KIF21A: variants seen among roughly 807,000 people sequenced by gnomAD.
KIF21A encodes kinesin-like protein KIF21A.
A neutral mutation model predicts 202.9 loss-of-function variants in KIF21A; 114 were observed. The observed-to-expected ratio is 0.56, with a 90% CI of 0.48 to 0.66. The LOEUF is 0.66. KIF21A is among the 30% of genes least tolerant of loss of function. KIF21A has a pLI of 0.00. For synonymous variants in KIF21A, 667 were observed against 670.8 expected (o/e 0.99, Z 0.09); for missense variants, 1,677 against 1,994.9 (o/e 0.84, Z 3.04).
intron 1 of KIF21A, among the ~76,000 whole-genome samples, chr12:39,406,762 T>C (rs1289459735): frequency 2.6e-5 from 4 of 152,166 alleles, no homozygotes; most frequent in Non-Finnish European, 5.9e-5. Flanking sequence ...ACTGCCACAA[T>C]CTCCACTTTA....
chr12:39,346,805 G>A (rs1947932789), intron 11 of KIF21A, among the ~76,000 whole-genome samples: 1 of 151,854 alleles, frequency 6.6e-6, no homozygotes, highest in African/African-American at 2.4e-5. Context: ...GATTAGGCAT[G>A]CTTGGATGCC....
chr12:39,300,184 C>T (rs1942834790), intron 37 of KIF21A, among the ~76,000 whole-genome samples: 1 of 152,134 alleles, frequency 6.6e-6, no homozygotes, highest in South Asian at 2.1e-4. Flanking sequence ...AATTACATTA[C>T]ATGTCAATCC....
At chr12:39,428,866 G>A (rs1285398250) in intron 1 of KIF21A, among the ~76,000 whole-genome samples, 3 of 151,660 alleles carry the variant, frequency 2.0e-5, no homozygotes, top group African/African-American at 7.3e-5. Context: ...GCTGAGGCAG[G>A]AGAATCACTT....
At chr12:39,368,767 A>G (rs532549035) in intron 3 of KIF21A, among the ~76,000 whole-genome samples, 4 of 152,042 alleles carry the variant, frequency 2.6e-5, no homozygotes, top group South Asian at 4.1e-4. Context: ...TAATTTTTCT[A>G]TGTTGTGCTA....
chr12:39,333,942 C>G (rs938170292), intron 17 of KIF21A, among the ~76,000 whole-genome samples: 3 of 151,688 alleles, frequency 2.0e-5, no homozygotes, highest in Admixed American at 1.3e-4. Flanking sequence ...TTGCTCATGC[C>G]TGTAATCCCA....
intron 1 of KIF21A, among the ~76,000 whole-genome samples, chr12:39,403,198 C>G (rs943399237): frequency 4.6e-5 from 7 of 152,104 alleles, no homozygotes; most frequent in Non-Finnish European, 8.8e-5. Context: ...CCTTGAACAC[C>G]TGGGGGCTCT....
rs920993153 is a variant in KIF21A at position 39,405,972 on chromosome 12, A to G, written c.45-35711T>C. Among the ~76,000 whole-genome samples, 4 of 152,196 alleles carry G rather than the reference A, an allele frequency of 2.6e-5. No individual in the cohort carries two copies. In the East Asian group the frequency reaches 7.7e-4, roughly 29 times the overall value. On this transcript the variant is annotated intron_variant, in intron 1 of 37. Transcript: ENST00000361418. ...TTGTGTAGAAGAAAATTTCCCCTTT[A>G]GCTTATATGTAAAGCGTGTCTTTGC...
intron 27 of KIF21A, among the ~76,000 whole-genome samples, chr12:39,320,932 C>CAA (rs59613512): frequency 0.019 from 307 of 16,084 alleles, 53 homozygotes; most frequent in African/African-American, 0.051. Context: ...AAGACTCTGC[C>CAA]AAAAAAAAAA....
At chr12:39,348,298 A>G (rs1055082130) in intron 11 of KIF21A, among the ~76,000 whole-genome samples, 4 of 152,052 alleles carry the variant, frequency 2.6e-5, no homozygotes, top group African/African-American at 9.7e-5. Flanking sequence ...ATTCTTGCCA[A>G]CCATTCTAAC....
chr12:39,315,382 GA>G (rs575051890), intron 30 of KIF21A, 142 bp from the exon 31 acceptor site: 42 of 710,180 alleles, frequency 5.9e-5, no homozygotes, highest in African/African-American at 2.5e-4. Flanking sequence ...TCCATAAAAT[GA>G]AAAAAAATAA....
chr12:39,323,993 C>T (rs771251056), intron 26 of KIF21A, among the ~76,000 whole-genome samples: 1 of 151,888 alleles, frequency 6.6e-6, no homozygotes, highest in Admixed American at 6.6e-5. Flanking sequence ...GCCTGTTGTC[C>T]CAGCTACTCA....
intron 6 of KIF21A, among the ~76,000 whole-genome samples, chr12:39,363,432 A>T (rs1361318542): frequency 3.3e-5 from 5 of 152,056 alleles, no homozygotes; most frequent in Non-Finnish European, 7.4e-5. Flanking sequence ...GTACTATAGT[A>T]CTAATAGTAC....
intron 17 of KIF21A, 57 bp from the exon 18 acceptor site, chr12:39,333,337 A>T (rs1946669712): frequency 8.1e-7 from 1 of 1,228,880 alleles, no homozygotes; most frequent in African/African-American, 1.5e-5. Context: ...AATATTTCCT[A>T]TTCCTATATG....
Position 39,358,363 on chromosome 12 carries a change from T to A in KIF21A, c.1030A>T (p.Met344Leu), listed in dbSNP as rs1948954674. The change falls in exon 8 of 38, where the codon ATG becomes TTG. Residue 344 changes from methionine (M) to leucine (L), a missense_variant. By Grantham distance (15) the Met-to-Leu change is conservative. Coordinates refer to ENST00000361418, the MANE Select transcript of KIF21A (RefSeq NM_001173464.2). ...DSLGGNSQTI[M>L]IACVSPSDRD... is the part of the protein sequence containing the mutation. ...TCTGAAGGGCTGACACATGCTATCA[T>A]GATTGTTTGGCTGAAAGTTACAAAT... is the stretch of plus-strand genomic sequence containing the variant. 2 of 1,614,070 alleles carry A rather than the reference T, an allele frequency of 1.2e-6. No homozygotes were observed. Among genetic ancestry groups the A allele is most frequent in the Non-Finnish European group, 1.7e-6 (2 of 1,179,910 alleles).
chr12:39,302,959 C>T lies in KIF21A; in HGVS notation c.4731+6G>A, dbSNP rs186749116. 6.2e-7 allele frequency: 1 copy of T among 1,612,832 alleles called. No individual in the cohort carries two copies. The highest frequency in any genetic ancestry group is 1.3e-5 in the African/African-American group (1 of 75,026). ...CACTCTATACCATGAAAAGGTTCTG[C>T]ATTACCTGAAGAAGGTCTTTTTGAG... On this transcript the variant is annotated splice_donor_region_variant and intron_variant, in intron 36 of 37. Coordinates refer to ENST00000361418, the MANE Select transcript of KIF21A (RefSeq NM_001173464.2).
intron 23 of KIF21A, 59 bp from the exon 24 acceptor site, chr12:39,330,321 A>G (rs964794002): frequency 3.4e-5 from 51 of 1,497,982 alleles, no homozygotes; most frequent in Non-Finnish European, 4.6e-5. Context: ...AACAGATCCA[A>G]TGTTAAAAAC....
chr12:39,438,059 G>A (rs1441522254), intron 1 of KIF21A, among the ~76,000 whole-genome samples: 1 of 152,120 alleles, frequency 6.6e-6, no homozygotes, highest in Admixed American at 6.5e-5. Flanking sequence ...AGAAACCTGA[G>A]TTTGAGTTCC....
intron 27 of KIF21A, among the ~76,000 whole-genome samples, 157 bp from the exon 28 acceptor site, chr12:39,320,170 C>T (rs1178517131): frequency 1.3e-5 from 2 of 152,112 alleles, no homozygotes; most frequent in Non-Finnish European, 2.9e-5. Flanking sequence ...GAAAATACTA[C>T]ATGAGTTATA....
chr12:39,356,052 G>A (rs1032282719), intron 10 of KIF21A, among the ~76,000 whole-genome samples: 1 of 152,114 alleles, frequency 6.6e-6, no homozygotes, highest in African/African-American at 2.4e-5. Context: ...CTACTTAGAT[G>A]CTCCCCCATG....
Sources: gnomAD v4.1 joint callset for allele counts (sites outside exome capture counted in the v4.1 genomes callset) on GRCh38, gnomAD v4.1.1 for gene constraint, MANE v1.5 for transcripts, NCBI Gene and HGNC (gene_info 2026-07-23, HGNC 2026-07-21) for gene names.